The following L3MBTL4 variants were observed in gnomAD, a reference collection of about 807,000 sequenced individuals.
The protein encoded by L3MBTL4 is L3MBTL histone methyl-lysine binding protein 4, also known as lethal(3)malignant brain tumor-like protein 4.
L3MBTL4 carries 70 observed loss-of-function variants against 84.5 expected under a neutral mutation model. That is an observed-to-expected ratio of 0.83 (90% CI 0.68 to 1.01). The LOEUF is 1.01. Ranked by LOEUF, L3MBTL4 falls within the 50% of genes least tolerant of loss-of-function variation. The pLI is 0.00. For missense variants in L3MBTL4, 715 were observed against 754.8 expected (o/e 0.95, Z 0.62); for synonymous variants, 274 against 259.8 (o/e 1.05, Z -0.52).
At chr18:6,331,739 T>TGGAA (rs1172070627) in intron 1 of L3MBTL4, among the ~76,000 whole-genome samples, 1 of 151,876 alleles carries the variant, frequency 6.6e-6, no homozygotes, top group African/African-American at 2.4e-5. Flanking sequence ...ATACAAAATC[T>TGGAA]GGAAATAAAA....
chr18:6,313,679 T>A (rs1305162232), intron 1 of L3MBTL4, among the ~76,000 whole-genome samples: 1 of 152,192 alleles, frequency 6.6e-6, no homozygotes. Flanking sequence ...TAATACCCCA[T>A]GACTTGTCAA....
At chr18:6,394,660 G>T (rs2055198314) in intron 1 of L3MBTL4, among the ~76,000 whole-genome samples, 1 of 151,596 alleles carries the variant, frequency 6.6e-6, no homozygotes, top group Non-Finnish European at 1.5e-5. Flanking sequence ...AATTATTTGT[G>T]GAATAAAGAA....
chr18:6,342,699 A>G (rs1234103943), intron 1 of L3MBTL4, among the ~76,000 whole-genome samples: 1 of 152,170 alleles, frequency 6.6e-6, no homozygotes, highest in Non-Finnish European at 1.5e-5. Context: ...AGTGAAAAAA[A>G]CAATTACTGA....
chr18:6,394,689 A>T (rs1177938060), intron 1 of L3MBTL4, among the ~76,000 whole-genome samples: 1 of 152,082 alleles, frequency 6.6e-6, no homozygotes, highest in African/African-American at 2.4e-5. Flanking sequence ...TTATACACCA[A>T]ATACTGTATG....
chr18:6,259,693 T>C (rs79806004), intron 5 of L3MBTL4: 1 of 152,308 alleles, frequency 6.6e-6, no homozygotes, highest in East Asian at 1.9e-4. Context: ...ATTAGATCTT[T>C]GTCATCTGCA....
chr18:6,275,104 A>G (rs895493711), intron 4 of L3MBTL4, among the ~76,000 whole-genome samples: 1 of 152,184 alleles, frequency 6.6e-6, no homozygotes, highest in African/African-American at 2.4e-5. Context: ...GGCTAGAACC[A>G]TGGATCTAGT....
rs191834554 is a variant in L3MBTL4 at position 6,311,982 on chromosome 18, C to T, written c.-32+16G>A. Reference sequence around the variant, plus strand: ...TAGGATTCACTGCAATCAGCCTGCACAGCTTCTGTACTCACATGGTCTGAC... The same window carrying T: ...TAGGATTCACTGCAATCAGCCTGCATAGCTTCTGTACTCACATGGTCTGAC... On this transcript the variant is annotated intron_variant, in intron 2 of 18. Coordinates refer to ENST00000317931, the MANE Select transcript of L3MBTL4 (RefSeq NM_001330559.2). The T allele has an allele frequency of 4.3e-6, 1 of 230,638 alleles. No individual in the cohort carries two copies. The highest frequency in any genetic ancestry group is 5.2e-5 in the Admixed American group (1 of 19,350). The allele number at this position is 230,638 out of a possible 1,614,324, so 14.3% of individuals were successfully genotyped here.
rs1391796957 is a variant in L3MBTL4 at position 6,393,266 on chromosome 18, G to A, written c.-91+21535C>T. On this transcript the variant is annotated intron_variant, in intron 1 of 18. Coordinates refer to ENST00000317931, the MANE Select transcript of L3MBTL4 (RefSeq NM_001330559.2). ...ACGTTAGCTTTCTGTGATGCTCCTA[G>A]GACAGAAACTTAGCCCCAAACCGGA... Among the ~76,000 whole-genome samples the A allele has an allele frequency of 7.2e-5, 11 of 152,170 alleles. No homozygotes were observed. The South Asian group carries it at 2.3e-3, about 32-fold the overall frequency.
At chr18:6,368,248 G>A (rs2054015279) in intron 1 of L3MBTL4, among the ~76,000 whole-genome samples, 1 of 151,890 alleles carries the variant, frequency 6.6e-6, no homozygotes, top group East Asian at 1.9e-4. Context: ...GGCCGTCGGT[G>A]CTTACTTTTA....
intron 12 of L3MBTL4, among the ~76,000 whole-genome samples, chr18:6,193,355 A>G (rs151107717): frequency 2.0e-5 from 3 of 152,318 alleles, no homozygotes; most frequent in African/African-American, 7.2e-5. Context: ...TACAGTTTGA[A>G]GACACGAGAG....
rs1358055299 is a variant in L3MBTL4, at chr18:6,005,306, A to G, written c.1445-35744T>C. On this transcript the variant is annotated intron_variant, in intron 16 of 18. Transcript: ENST00000317931. ...GGTTGCAGTGAGCTGAGATCACACC[A>G]CTGTACTCCAGCCTGGGCGACACAG... is the stretch of plus-strand genomic sequence containing the variant. 2.6e-5 allele frequency among the ~76,000 whole-genome samples: 4 copies of G among 151,806 alleles called. 1 individual carries two copies. Among genetic ancestry groups the G allele is most frequent in the Middle Eastern group, 3.2e-3 (1 of 316 alleles).
intron 10 of L3MBTL4, among the ~76,000 whole-genome samples, chr18:6,218,568 C>T (rs498904): frequency 1.3e-5 from 2 of 152,212 alleles, no homozygotes; most frequent in East Asian, 3.9e-4. Flanking sequence ...AGTCACTATC[C>T]TTCTTCCCCT....
intron 1 of L3MBTL4, among the ~76,000 whole-genome samples, chr18:6,406,550 C>A (rs1449963779): frequency 6.6e-6 from 1 of 152,116 alleles, no homozygotes; most frequent in African/African-American, 2.4e-5. Context: ...CTCAGGACTT[C>A]GGGTGATTTT....
intron 1 of L3MBTL4, among the ~76,000 whole-genome samples, chr18:6,398,750 G>T (rs2055384564): frequency 6.7e-6 from 1 of 148,698 alleles, no homozygotes; most frequent in Non-Finnish European, 1.5e-5. Context: ...TTGCGGGGGG[G>T]CGGGGGCGGG....
chr18:6,104,864 AAATT>A (rs1317110941), intron 14 of L3MBTL4, among the ~76,000 whole-genome samples: 1 of 152,226 alleles, frequency 6.6e-6, no homozygotes, highest in African/African-American at 2.4e-5. Flanking sequence ...TATTCTTTCC[AAATT>A]AATTAACACA....
At position 6,171,920 on chromosome 18, in the gene L3MBTL4, T is replaced by G. The variant is rs769939481; in HGVS notation, c.1004A>C (p.His335Pro). The G allele has an allele frequency of 3.2e-6, 5 of 1,553,198 alleles. No homozygotes were observed. Among genetic ancestry groups the G allele is most frequent in the Middle Eastern group, 1.7e-4 (1 of 5,986 alleles). Residue 335 changes from histidine (H) to proline (P), a missense_variant, in exon 13 of 19, where the codon CAT becomes CCT. His to Pro is a moderately conservative substitution (Grantham distance 77, BLOSUM62 -2). Transcript: ENST00000317931. ...TGCCTCCACCCAGTAGTCATACTTA[T>G]GGTCCCAACCATCAAAATGAACCTG... ...RVKVHFDGWDHKYDYWVEADS... is the reference protein window; with the variant it reads ...RVKVHFDGWDPKYDYWVEADS...
intron 1 of L3MBTL4, among the ~76,000 whole-genome samples, chr18:6,369,407 A>G (rs1431296956): frequency 6.6e-6 from 1 of 152,200 alleles, no homozygotes; most frequent in African/African-American, 2.4e-5. Context: ...TAAACATCCC[A>G]CAATGCACAG....
chr18:6,271,993 T>G (rs75239806), intron 4 of L3MBTL4, among the ~76,000 whole-genome samples: 1 of 152,030 alleles, frequency 6.6e-6, no homozygotes, highest in South Asian at 2.1e-4. Flanking sequence ...CTGGAGAAGT[T>G]TGCAAATGAA....
chr18:6,339,108 G>A (rs68088098), intron 1 of L3MBTL4, among the ~76,000 whole-genome samples: 31,080 of 151,860 alleles, frequency 0.2, 4,164 homozygotes, highest in African/African-American at 0.39. Context: ...CGCCCCTTCC[G>A]CCGACCCAAA....
Sources: allele counts gnomAD v4.1 joint callset (sites outside exome capture counted in the v4.1 genomes callset), GRCh38; gene constraint gnomAD v4.1.1; transcripts MANE v1.5; gene names NCBI Gene and HGNC (gene_info 2026-07-23, HGNC 2026-07-21).